The following GNAI1 variants were observed in gnomAD, a reference collection of about 807,000 sequenced individuals.
The protein encoded by GNAI1 is guanine nucleotide-binding protein G(i) subunit alpha-1.
Under a neutral mutation model 38.9 loss-of-function variants are expected in GNAI1, and 11 were observed. That is an observed-to-expected ratio of 0.28 (90% confidence interval 0.18 to 0.47). GNAI1 has a LOEUF of 0.47. Ranked by LOEUF, GNAI1 falls within the 20% of genes least tolerant of loss-of-function variation. GNAI1 has a pLI of 0.99. For missense variants in GNAI1, 317 were observed against 436.9 expected, an observed-to-expected ratio of 0.73 and a Z score of 2.45; for synonymous variants, 166 against 145.1, an observed-to-expected ratio of 1.14 and a Z score of -1.04.
At position 80,225,675 on chromosome 7, in the gene GNAI1, T is replaced by C. The variant is rs1337350586; in HGVS notation, c.*8182T>C. ...GTATCAAATATTCCAAGGCCTTACATGCATGTTTTGTTTTTTGATAAAGAC... is the reference window on the plus strand; with the variant it reads ...GTATCAAATATTCCAAGGCCTTACACGCATGTTTTGTTTTTTGATAAAGAC... On this transcript the variant is annotated 3_prime_UTR_variant, in exon 8 of 8. Transcript: ENST00000649796. Among the ~76,000 whole-genome samples the C allele has an allele frequency of 1.3e-5, 2 of 152,214 alleles. No individual in the cohort carries two copies. The highest frequency in any genetic ancestry group is 2.9e-5 in the Non-Finnish European group (2 of 68,042).
At chr7:80,188,406 CACAA>C (rs1422555192) in intron 1 of GNAI1, among the ~76,000 whole-genome samples, 3 of 152,022 alleles carry the variant, frequency 2.0e-5, no homozygotes, top group Non-Finnish European at 2.9e-5. Flanking sequence ...GGAGAATACA[CACAA>C]ACAACAGTAG....
Position 80,212,791 on chromosome 7 carries a change from C to CT in GNAI1, c.801dup (p.Leu268SerfsTer8). On this transcript the variant is annotated frameshift_variant, in exon 7 of 8. Transcript: ENST00000649796. LOFTEE classifies it high-confidence loss of function. ...GTGGTTTACAGATACATCCATTATACTTTTTCTAAACAAGAAGGATCTCTT... is the reference window on the plus strand; with the variant it reads ...GTGGTTTACAGATACATCCATTATACTTTTTTCTAAACAAGAAGGATCTCTT... 6.3e-7 allele frequency: 1 copy of CT among 1,576,412 alleles called. No homozygotes were observed. The highest frequency in any genetic ancestry group is 8.6e-7 in the Non-Finnish European group (1 of 1,160,686).
intron 1 of GNAI1, among the ~76,000 whole-genome samples, chr7:80,172,695 T>G (rs1172205977): frequency 1.3e-5 from 2 of 152,172 alleles, no homozygotes; most frequent in Non-Finnish European, 2.9e-5. Context: ...ACATCCTTTT[T>G]CCTCCGTACT....
intron 5 of GNAI1, among the ~76,000 whole-genome samples, chr7:80,210,362 A>G (rs962379690): frequency 1.3e-5 from 2 of 151,950 alleles, no homozygotes; most frequent in African/African-American, 4.8e-5. Flanking sequence ...TTCATATTTC[A>G]GTTCTCTCAT....
At chr7:80,153,592 G>T (rs1787765506) in intron 1 of GNAI1, among the ~76,000 whole-genome samples, 1 of 152,136 alleles carries the variant, frequency 6.6e-6, no homozygotes, top group Non-Finnish European at 1.5e-5. Flanking sequence ...ATACAAGGGA[G>T]TGTTTCTGGT....
intron 1 of GNAI1, among the ~76,000 whole-genome samples, chr7:80,153,227 T>TGTCATGTCAAGCTTGTCATG (rs2116106153): frequency 6.6e-6 from 1 of 152,324 alleles, no homozygotes; most frequent in Non-Finnish European, 1.5e-5. Flanking sequence ...ATAGATAGTC[T>TGTCATGTCAAGCTTGTCATG]TCAAGAAGGA....
chr7:80,174,288 C>G (rs540936575), intron 1 of GNAI1, among the ~76,000 whole-genome samples: 32 of 152,194 alleles, frequency 2.1e-4, no homozygotes, highest in Non-Finnish European at 3.5e-4. Flanking sequence ...ACTCAGAGAT[C>G]ATTGTTCTGA....
At chr7:80,170,927 T>G (rs1771612438) in intron 1 of GNAI1, among the ~76,000 whole-genome samples, 2 of 152,170 alleles carry the variant, frequency 1.3e-5, no homozygotes. Context: ...AAGATAGACA[T>G]TTTTCACATT....
At chr7:80,206,295 C>G (rs950768893) in intron 5 of GNAI1, among the ~76,000 whole-genome samples, 1 of 151,924 alleles carries the variant, frequency 6.6e-6, no homozygotes, top group African/African-American at 2.4e-5. Context: ...GCAACATTAG[C>G]TTTGTGCTTT....
At chr7:80,137,293 C>CTTTTTTTTTTTTCTTTTTTTTTCTTTTTT (rs1787433036) in intron 1 of GNAI1, among the ~76,000 whole-genome samples, 1 of 95,262 alleles carries the variant, frequency 1.0e-5, no homozygotes, top group Non-Finnish European at 1.9e-5. Context: ...TTTCTTTTTT[C>CTTTTTTTTTTTTCTTTTTTTTTCTTTTTT]TTTTTTTTTT....
chr7:80,163,460 C>T (rs1388927679), intron 1 of GNAI1, among the ~76,000 whole-genome samples: 3 of 152,176 alleles, frequency 2.0e-5, no homozygotes, highest in Non-Finnish European at 4.4e-5. Context: ...GCGAACTCTT[C>T]ACTGTTGGCA....
At chr7:80,162,343 T>G (rs1321542315) in intron 1 of GNAI1, among the ~76,000 whole-genome samples, 1 of 152,206 alleles carries the variant, frequency 6.6e-6, no homozygotes, top group Non-Finnish European at 1.5e-5. Context: ...TGCCAGGTAG[T>G]TAGCCTGGTC....
intron 1 of GNAI1, among the ~76,000 whole-genome samples, chr7:80,165,373 C>T (rs1452430020): frequency 2.6e-5 from 4 of 152,084 alleles, no homozygotes; most frequent in Non-Finnish European, 5.9e-5. Context: ...CACTTTTGTT[C>T]TTTCTTTGTC....
intron 1 of GNAI1, among the ~76,000 whole-genome samples, chr7:80,155,944 C>A (rs1787810225): frequency 6.8e-6 from 1 of 147,716 alleles, no homozygotes; most frequent in African/African-American, 2.5e-5. Flanking sequence ...CCCAGCTACT[C>A]AGGAGACTGA....
chr7:80,220,279 G>A lies in GNAI1; in HGVS notation c.*2786G>A, dbSNP rs977333161. ...GCTTAGAGCAGTGCCTACAATGTGG[G>A]AAGTGTTCATTTGTGTCTGTCAATG... On this transcript the variant is annotated 3_prime_UTR_variant, in exon 8 of 8. Coordinates refer to ENST00000649796, the MANE Select transcript of GNAI1 (RefSeq NM_002069.6). Among the ~76,000 whole-genome samples, 1 of 152,198 alleles carries A rather than the reference G, an allele frequency of 6.6e-6. No individual in the cohort carries two copies. The highest frequency in any genetic ancestry group is 2.4e-5 in the African/African-American group (1 of 41,450).
In GNAI1 at chr7:80,135,269, C is replaced by T. The variant is rs771630216; in HGVS notation, c.109C>T (p.Leu37=). 1.1e-5 allele frequency: 17 copies of T among 1,501,564 alleles called. No homozygotes were observed. Among genetic ancestry groups the T allele is most frequent in the African/African-American group, 1.4e-5 (1 of 69,476 alleles). 93.0% of individuals were successfully genotyped at this position (1,501,564 alleles called of 1,614,324 possible). A position where few individuals can be genotyped will look rare whatever the true frequency, so the allele number is the denominator to read the frequency against. ...GEKAAREVKL[L]LLGAGESGKS... ...GAAGGCGGCGCGCGAGGTCAAGCTG[C>T]TGCTGCTCGGTAAGGGCGGCCGGGT... The change falls in exon 1 of 8, where the codon CTG becomes TTG. Residue 37 remains leucine, a synonymous_variant. Transcript: ENST00000649796.
At chr7:80,155,265 T>C (rs1240803529) in intron 1 of GNAI1, among the ~76,000 whole-genome samples, 1 of 152,208 alleles carries the variant, frequency 6.6e-6, no homozygotes, top group Non-Finnish European at 1.5e-5. Context: ...ACAGGAATTA[T>C]TTTGGTTTTT....
intron 1 of GNAI1, among the ~76,000 whole-genome samples, chr7:80,155,422 G>T (rs544837022): frequency 5.3e-5 from 8 of 152,238 alleles, no homozygotes; most frequent in Admixed American, 2.6e-4. Context: ...TTGGGCCTCT[G>T]TAAGGTCTAT....
rs941533436 is a variant in GNAI1 at position 80,211,177 on chromosome 7, A to G, written c.720+79A>G. 56 of 1,281,484 alleles carry G rather than the reference A, an allele frequency of 4.4e-5. No homozygotes were observed. In the East Asian group the frequency reaches 1.1e-3, roughly 24 times the overall value. 79.4% of individuals were successfully genotyped at this position (1,281,484 alleles called of 1,614,324 possible). On this transcript the variant is annotated intron_variant, in intron 6 of 7. Transcript: ENST00000649796. Reference sequence around the variant, plus strand: ...TGCCAAGAATTTCTTTCTAATGTCTATAACAATTTGAAAGTACAGGGTCTT... The same window carrying G: ...TGCCAAGAATTTCTTTCTAATGTCTGTAACAATTTGAAAGTACAGGGTCTT...
Sources: gnomAD v4.1 joint callset for allele counts (sites outside exome capture counted in the v4.1 genomes callset) on GRCh38, gnomAD v4.1.1 for gene constraint, MANE v1.5 for transcripts, NCBI Gene and HGNC (gene_info 2026-07-23, HGNC 2026-07-21) for gene names.